The following PSMA1 variants were observed in gnomAD, a reference collection of about 807,000 sequenced individuals.
The protein encoded by PSMA1 is proteasome subunit alpha type-1.
PSMA1 carries 3 observed loss-of-function variants against 38.4 expected under a neutral mutation model. That is an observed-to-expected ratio of 0.08 (90% CI 0.04 to 0.20). PSMA1 has a LOEUF of 0.20. Ranked by LOEUF, PSMA1 falls within the 10% of genes least tolerant of loss-of-function variation. The pLI is 1.00. For missense variants in PSMA1, 227 were observed against 325.3 expected (o/e 0.70, Z 2.32); for synonymous variants, 101 against 107.1 (o/e 0.94, Z 0.35).
intron 1 of PSMA1, among the ~76,000 whole-genome samples, chr11:14,611,339 C>T (rs1397573474): frequency 6.6e-6 from 1 of 152,080 alleles, no homozygotes; most frequent in East Asian, 1.9e-4. Flanking sequence ...GGAATAAGTG[C>T]CTCCCCAGGA....
chr11:14,517,651 C>G lies in PSMA1; in HGVS notation c.245G>C (p.Arg82Thr). 6.3e-7 allele frequency: 1 copy of G among 1,585,278 alleles called. No individual in the cohort carries two copies. Among genetic ancestry groups the G allele is most frequent in the Non-Finnish European group, 8.6e-7 (1 of 1,168,994 alleles). ...ISIAGLTADA[R>T]LLCNFMRQEC... ...TCATGATTATACTTACCATAACAGT[C>G]TAGCATCAGCAGTAAGCCCCGCAAT... The change falls in exon 4 of 10, where the codon AGA (arginine) becomes ACA (threonine). Residue 82 changes from arginine to threonine, a missense_variant. Arg to Thr is a moderately conservative substitution (Grantham distance 71). Transcript: ENST00000396394.
chr11:14,641,348 G>A (rs1463327463), intron 1 of PSMA1, among the ~76,000 whole-genome samples: 1 of 152,138 alleles, frequency 6.6e-6, no homozygotes, highest in African/African-American at 2.4e-5. Flanking sequence ...GGTTGTTTAA[G>A]TTTGGCAAGG....
chr11:14,513,724 CA>C, intron 6 of PSMA1, 25 bp from the exon 7 acceptor site: 1 of 1,558,074 alleles, frequency 6.4e-7, no homozygotes, highest in Admixed American at 2.2e-5. Context: ...AAATACACCA[CA>C]TAATTATTTA....
intron 2 of PSMA1, among the ~76,000 whole-genome samples, chr11:14,590,633 C>T (rs1019077813): frequency 2.0e-5 from 3 of 152,140 alleles, no homozygotes; most frequent in African/African-American, 7.2e-5. Context: ...CTCTCTTCTT[C>T]CTTATCTGGG....
chr11:14,505,954 T>C (rs931510585), intron 9 of PSMA1, among the ~76,000 whole-genome samples: 48 of 152,194 alleles, frequency 3.2e-4, no homozygotes, highest in Admixed American at 1.3e-4. Flanking sequence ...AACCTTGCAG[T>C]GAGCTATGAT....
At chr11:14,614,035 G>A (rs1852739956) in intron 1 of PSMA1, among the ~76,000 whole-genome samples, 1 of 152,130 alleles carries the variant, frequency 6.6e-6, no homozygotes, top group Non-Finnish European at 1.5e-5. Context: ...ATTATCAAAT[G>A]TCTCAGTTGA....
intron 2 of PSMA1, among the ~76,000 whole-genome samples, chr11:14,590,937 C>T (rs771919728): frequency 7.2e-5 from 11 of 152,260 alleles, no homozygotes; most frequent in Admixed American, 2.0e-4. Context: ...TCGCTCTAGG[C>T]GCCTCCTCTG....
chr11:14,593,366 T>C (rs1018699412), intron 2 of PSMA1, among the ~76,000 whole-genome samples: 2 of 152,318 alleles, frequency 1.3e-5, no homozygotes, highest in Middle Eastern at 3.4e-3. Flanking sequence ...CAGAAGCTTC[T>C]TCTTTGTGGG....
At chr11:14,627,509 T>C (rs559531015) in intron 1 of PSMA1, among the ~76,000 whole-genome samples, 46 of 152,352 alleles carry the variant, frequency 3.0e-4, no homozygotes, top group Non-Finnish European at 5.0e-4. Flanking sequence ...GGAAAGCACA[T>C]AGAGCTTTGG....
chr11:14,536,513 C>T (rs888323281), intron 2 of PSMA1, among the ~76,000 whole-genome samples: 1 of 151,562 alleles, frequency 6.6e-6, no homozygotes, highest in Non-Finnish European at 1.5e-5. Flanking sequence ...GGCGAAAGAG[C>T]GAGACTCCGA....
chr11:14,520,311 G>A lies in PSMA1; in HGVS notation c.-12C>T, dbSNP rs758665846. 9.9e-6 allele frequency: 16 copies of A among 1,614,082 alleles called. No homozygotes were observed. The highest frequency in any genetic ancestry group is 7.7e-5 in the South Asian group (7 of 91,092). ...ATTCAACGTACCATGGTGGCGGCGC[G>A]GGCCTGGTTGCGGCCTCCAGCAAAA... On this transcript the variant is annotated 5_prime_UTR_variant, in exon 1 of 10. Coordinates refer to ENST00000396394, the MANE Select transcript of PSMA1 (RefSeq NM_002786.4).
intron 1 of PSMA1, among the ~76,000 whole-genome samples, chr11:14,623,366 T>C (rs913597855): frequency 6.6e-6 from 1 of 152,170 alleles, no homozygotes; most frequent in African/African-American, 2.4e-5. Context: ...AAGGATAGCC[T>C]TGAAAGACAG....
chr11:14,626,396 G>A (rs985000236), intron 1 of PSMA1, among the ~76,000 whole-genome samples: 13 of 152,040 alleles, frequency 8.6e-5, no homozygotes, highest in Admixed American at 5.9e-4. Flanking sequence ...TGCTATTACC[G>A]TTTTGGCACA....
chr11:14,635,076 G>T (rs1234636263), intron 1 of PSMA1, among the ~76,000 whole-genome samples: 6 of 152,202 alleles, frequency 3.9e-5, no homozygotes, highest in Non-Finnish European at 5.9e-5. Context: ...TTTGTTTAAA[G>T]AGAGTGGCTT....
chr11:14,581,783 C>T (rs901589640), intron 2 of PSMA1, among the ~76,000 whole-genome samples: 3 of 152,190 alleles, frequency 2.0e-5, no homozygotes, highest in East Asian at 1.9e-4. Context: ...ATTATTAAGA[C>T]TTGGCTTCTT....
chr11:14,598,119 T>G (rs1852525306), intron 2 of PSMA1, among the ~76,000 whole-genome samples: 1 of 152,214 alleles, frequency 6.6e-6, no homozygotes, highest in Non-Finnish European at 1.5e-5. Flanking sequence ...AGAGACAGTT[T>G]GTTATAATTT....
chr11:14,516,226 A>G (rs529626109), intron 4 of PSMA1, among the ~76,000 whole-genome samples: 75 of 151,368 alleles, frequency 5.0e-4, no homozygotes, highest in African/African-American at 1.8e-3. Flanking sequence ...AAAAAAAAGA[A>G]TAGGGTCTCA....
chr11:14,557,224 TTTTAAC>T (rs1851950356), intron 2 of PSMA1, among the ~76,000 whole-genome samples: 6 of 152,140 alleles, frequency 3.9e-5, no homozygotes, highest in Admixed American at 3.9e-4. Context: ...TGGGAGATTT[TTTTAAC>T]TTTATCTTTT....
chr11:14,627,256 T>G (rs1852923334), intron 1 of PSMA1, among the ~76,000 whole-genome samples: 2 of 152,160 alleles, frequency 1.3e-5, no homozygotes, highest in Non-Finnish European at 2.9e-5. Flanking sequence ...ATTAAGTATG[T>G]TCAAATCCAT....
Sources: allele counts gnomAD v4.1 joint callset (sites outside exome capture counted in the v4.1 genomes callset), GRCh38; gene constraint gnomAD v4.1.1; transcripts MANE v1.5; gene names NCBI Gene and HGNC (gene_info 2026-07-23, HGNC 2026-07-21).